MYH3: variants seen among roughly 807,000 people sequenced by gnomAD.
MYH3 encodes the protein myosin-3.
MYH3 carries 130 observed loss-of-function variants against 238.0 expected under a neutral mutation model. The observed-to-expected ratio is 0.55, with a 90% CI of 0.47 to 0.63. The LOEUF is 0.63. Ranked by LOEUF, MYH3 falls within the 30% of genes least tolerant of loss-of-function variation. The pLI is 0.00. For synonymous variants in MYH3, 880 were observed against 924.1 expected (o/e 0.95, Z 0.86); for missense variants, 1,853 against 2,374.9 (o/e 0.78, Z 4.57).
chr17:10,630,879 A>C (rs2074149783), intron 36 of MYH3, among the ~76,000 whole-genome samples: 1 of 152,106 alleles, frequency 6.6e-6, no homozygotes. Flanking sequence ...GAAAGAAAGA[A>C]AAAGGACAAC....
upstream of MYH3, among the ~76,000 whole-genome samples, chr17:10,660,075 C>T (rs1399206598): frequency 6.6e-6 from 1 of 152,250 alleles, no homozygotes; most frequent in Non-Finnish European, 1.5e-5. Context: ...GGCTTGCCCG[C>T]TTGCACACCA....
At chr17:10,650,911 G>A (rs919107818) in intron 5 of MYH3, among the ~76,000 whole-genome samples, 8 of 152,034 alleles carry the variant, frequency 5.3e-5, no homozygotes, top group African/African-American at 1.7e-4. Flanking sequence ...AGTGGCAGCC[G>A]GGTGCAGTGG....
chr17:10,633,781 T>C, intron 32 of MYH3, 66 bp from the exon 33 acceptor site: 1 of 1,599,292 alleles, frequency 6.3e-7, no homozygotes, highest in South Asian at 1.1e-5. Flanking sequence ...ATGCAAAGCA[T>C]TGACTCAATG....
rs2074278499 is a variant in MYH3 at position 10,642,102 on chromosome 17, T to C, written c.1959+138A>G. ...ACCGTATTTATTATATTTTATCATC[T>C]GTCACTTCACCTCAGTGACAGTAAT... On this transcript the variant is annotated intron_variant, in intron 17 of 40. Transcript: ENST00000583535. This position sits in a 1 kb window ranked among gnomAD's most constrained non-coding sequence, Gnocchi z 5.4. 21 of 746,308 alleles carry C rather than the reference T, an allele frequency of 2.8e-5. No individual in the cohort carries two copies. In the South Asian group the frequency reaches 3.2e-4, roughly 11 times the overall value. 46.2% of individuals were successfully genotyped at this position (746,308 alleles called of 1,614,324 possible). A position where few individuals can be genotyped will look rare whatever the true frequency, so the allele number is the denominator to read the frequency against.
chr17:10,658,511 G>A (rs768821929), upstream of MYH3: 12 of 152,196 alleles, frequency 7.9e-5, no homozygotes, highest in African/African-American at 1.7e-4. Context: ...TCGAGAAGAC[G>A]CAGAGGAAAC....
At chr17:10,633,105 G>A (rs1053961970) in intron 33 of MYH3, among the ~76,000 whole-genome samples, 19 of 152,032 alleles carry the variant, frequency 1.2e-4, no homozygotes, top group Non-Finnish European at 2.2e-4. Flanking sequence ...CCAGCTACTC[G>A]GGAGGCTGAG....
At chr17:10,632,409 G>T in intron 34 of MYH3, 67 bp downstream of exon 34, 1 of 1,556,724 alleles carries the variant, frequency 6.4e-7, no homozygotes, top group Non-Finnish European at 8.8e-7. Context: ...GTGCACCACT[G>T]TGCCCAGCCT....
At position 10,631,740 on chromosome 17, in the gene MYH3, G is replaced by A. The variant is rs561481157; in HGVS notation, c.5161-4C>T. On this transcript the variant is annotated splice_polypyrimidine_tract_variant and splice_region_variant and intron_variant, in intron 35 of 40. Coordinates refer to ENST00000583535, the MANE Select transcript of MYH3 (RefSeq NM_002470.4). ...TGGTGTGGATGAGGCTGGTGTTCTAGGGCAAGAGGAGGGCTGTTAACCAGG... is the reference window on the plus strand; with the variant it reads ...TGGTGTGGATGAGGCTGGTGTTCTAAGGCAAGAGGAGGGCTGTTAACCAGG... The A allele has an allele frequency of 5.6e-6, 9 of 1,614,032 alleles. No individual in the cohort carries two copies. The highest frequency in any genetic ancestry group is 7.6e-6 in the Non-Finnish European group (9 of 1,180,034).
the MYH3 span, chr17:10,678,101 G>T: frequency 1.3e-5 from 2 of 151,960 alleles, no homozygotes; most frequent in African/African-American, 4.8e-5. Context: ...GGCAACAAGA[G>T]TGAAACTCTG....
rs2074299859 is a variant in MYH3, at chr17:10,644,283, T to C, written c.1410+68A>G. The C allele has an allele frequency of 3.9e-6, 6 of 1,534,980 alleles. No individual in the cohort carries two copies. In the South Asian group the frequency reaches 4.5e-5, roughly 11 times the overall value. Reference sequence around the variant, plus strand: ...ACAGCCGCCATCTTGCTATCTTCCCTTTAGGATCATGAAACCAATTTCCCT... The same window carrying C: ...ACAGCCGCCATCTTGCTATCTTCCCCTTAGGATCATGAAACCAATTTCCCT... On this transcript the variant is annotated intron_variant, in intron 14 of 40. Transcript: ENST00000583535.
At chr17:10,661,886 C>T (rs1031159818), upstream of MYH3, among the ~76,000 whole-genome samples, 14 of 152,118 alleles carry the variant, frequency 9.2e-5, no homozygotes, top group African/African-American at 3.1e-4. Context: ...CATTCCCTGG[C>T]ACTGAGGTGA....
At chr17:10,630,492 G>C (rs757304431) in intron 36 of MYH3, 34 bp from the exon 37 acceptor site, 1 of 1,613,766 alleles carries the variant, frequency 6.2e-7, no homozygotes, top group Non-Finnish European at 8.5e-7. Context: ...AGGATGCAGA[G>C]GAAGCTCCAG....
chr17:10,641,379 G>A lies in MYH3; in HGVS notation c.1960-7C>T, dbSNP rs1293633941. On this transcript the variant is annotated splice_region_variant and splice_polypyrimidine_tract_variant and intron_variant, in intron 17 of 40. Coordinates refer to ENST00000583535, the MANE Select transcript of MYH3 (RefSeq NM_002470.4). ...TCAGCTTGTTCAGGTTTTCCTAAGAGAAAAAAAAAATGACATTTGCCATCC... is the reference window on the plus strand; with the variant it reads ...TCAGCTTGTTCAGGTTTTCCTAAGAAAAAAAAAAAATGACATTTGCCATCC... 29 of 1,519,670 alleles carry A rather than the reference G, an allele frequency of 1.9e-5. No individual in the cohort carries two copies. The highest frequency in any genetic ancestry group is 1.7e-4 in the Middle Eastern group (1 of 5,808). The allele number at this position is 1,519,670 out of a possible 1,614,324, so 94.1% of individuals were successfully genotyped here.
rs3216884 is a variant in MYH3 at position 10,641,379 on chromosome 17, GA to G, written c.1960-8del. 1,013,750 of 1,518,810 alleles carry G rather than the reference GA, an allele frequency of 0.67. 345,353 individuals are homozygous for G. Among genetic ancestry groups the G allele is most frequent in the Non-Finnish European group, 0.72 (790,387 of 1,098,456 alleles). 94.1% of individuals were successfully genotyped at this position (1,518,810 alleles called of 1,614,324 possible). On this transcript the variant is annotated splice_region_variant and splice_polypyrimidine_tract_variant and intron_variant, in intron 17 of 40. Transcript: ENST00000583535. Reference sequence around the variant, plus strand: ...TCAGCTTGTTCAGGTTTTCCTAAGAGAAAAAAAAAATGACATTTGCCATCCT... The same window carrying G: ...TCAGCTTGTTCAGGTTTTCCTAAGAGAAAAAAAAATGACATTTGCCATCCT...
intron 14 of MYH3, among the ~76,000 whole-genome samples, chr17:10,643,462 G>T (rs1025936262): frequency 6.6e-6 from 1 of 151,332 alleles, no homozygotes; most frequent in African/African-American, 2.4e-5. Context: ...TGCAACCTCC[G>T]CCTCCCAGGT....
chr17:10,635,349 G>C lies in MYH3; in HGVS notation c.4172+18C>G. 3 of 1,614,026 alleles carry C rather than the reference G, an allele frequency of 1.9e-6. No individual in the cohort carries two copies. Among genetic ancestry groups the C allele is most frequent in the Non-Finnish European group, 2.5e-6 (3 of 1,179,872 alleles). On this transcript the variant is annotated intron_variant, in intron 30 of 40. Transcript: ENST00000583535. ...TCATTCCTAAGTAGTTCTTCTAAAA[G>C]CAAACAGAGCTGCGCACTTGGCCTC... is the stretch of plus-strand genomic sequence containing the variant.
intron 7 of MYH3, 22 bp downstream of exon 7, chr17:10,649,555 A>C: frequency 6.3e-7 from 1 of 1,583,742 alleles, no homozygotes; most frequent in Non-Finnish European, 8.7e-7. Context: ...AAGCAAAGCA[A>C]GCCTTCCTCT....
rs771926561 is a variant in MYH3 at position 10,630,145 on chromosome 17, A to G, written c.5509T>C (p.Ser1837Pro). The G allele has an allele frequency of 5.6e-6, 9 of 1,613,620 alleles. No homozygotes were observed. Among genetic ancestry groups the G allele is most frequent in the Non-Finnish European group, 7.6e-6 (9 of 1,179,976 alleles). ...TCATACTTCCTCAGGCCCTTAACAG[A>G]CTCTGTGTTCTTCTTCTGCTCTCCC... ...LEGEQKKNTE[S>P]VKGLRKYERR... The change falls in exon 38 of 41, where the codon TCT becomes CCT. Residue 1837 changes from serine (S) to proline (P), a missense_variant. Around this residue, in one of 3 missense-constraint regions of MYH3, gnomAD observed 1,044 missense variants for 1,192.6 expected, o/e 0.88. Coordinates refer to ENST00000583535, the MANE Select transcript of MYH3 (RefSeq NM_002470.4).
chr17:10,644,689 T>C lies in MYH3; in HGVS notation c.1155A>G (p.Thr385=). ...AAGAGTTCAGGCCCATCAGATAGGC[T>C]GTTTTGTCAGCCACTGGCAAGAAAA... ...EPDGTEVADK[T]AYLMGLNSSD... Residue 385 remains threonine, a synonymous_variant, in exon 13 of 41, where the codon ACA becomes ACG. Transcript: ENST00000583535. 6.2e-7 allele frequency: 1 copy of C among 1,613,478 alleles called. No individual in the cohort carries two copies. The highest frequency in any genetic ancestry group is 8.5e-7 in the Non-Finnish European group (1 of 1,179,652).
Sources: allele counts gnomAD v4.1 joint callset (sites outside exome capture counted in the v4.1 genomes callset), GRCh38; gene constraint gnomAD v4.1.1; regional missense constraint gnomAD v4.1.1; non-coding constraint Gnocchi (gnomAD v3.1); transcripts MANE v1.5; gene names NCBI Gene and HGNC (gene_info 2026-07-23, HGNC 2026-07-21).